MED6: variants seen among roughly 807,000 people sequenced by gnomAD.
MED6 encodes mediator complex subunit 6.
In MED6, 33 loss-of-function variants were observed where a neutral mutation model predicts 37.5. The observed-to-expected ratio is 0.88, with a 90% CI of 0.67 to 1.18. The LOEUF is 1.18. Among genes scored for constraint, MED6 ranks in the 50% most tolerant of loss-of-function variants. The pLI is 0.00. For missense variants in MED6, 235 were observed against 290.6 expected (o/e 0.81, Z 1.39); for synonymous variants, 94 against 93.6 (o/e 1.00, Z -0.02).
At position 70,583,291 on chromosome 14, in the gene MED6, A is replaced by G. The variant is rs1434682166; in HGVS notation, c.*1522T>C. 2 of 152,368 alleles carry G rather than the reference A, an allele frequency of 1.3e-5. No individual in the cohort carries two copies. Among genetic ancestry groups the G allele is most frequent in the East Asian group, 3.9e-4 (2 of 5,194 alleles). The allele number at this position is 152,368 out of a possible 1,614,324, so 9.4% of individuals were successfully genotyped here. A position where few individuals can be genotyped will look rare whatever the true frequency, so the allele number is the denominator to read the frequency against. ...AAGTTGAAAGACAAAAATCTCACAC[A>G]ATACATAAAATTAGACATTTCATAA... On this transcript the variant is annotated 3_prime_UTR_variant, in exon 8 of 8. Transcript: ENST00000256379.
At chr14:70,598,601 C>G (rs946030357) in intron 1 of MED6, among the ~76,000 whole-genome samples, 1 of 151,932 alleles carries the variant, frequency 6.6e-6, no homozygotes, top group Non-Finnish European at 1.5e-5. Flanking sequence ...AAAACTTACA[C>G]AGAGAAAAGG....
chr14:70,591,455 C>T (rs1005501374), intron 5 of MED6, 74 bp from the exon 6 acceptor site: 10 of 1,178,062 alleles, frequency 8.5e-6, no homozygotes, highest in Non-Finnish European at 1.2e-5. Flanking sequence ...AATCTTTATC[C>T]ACCATGAATA....
At chr14:70,589,025 T>C (rs1054925094) in intron 6 of MED6, among the ~76,000 whole-genome samples, 20 of 152,152 alleles carry the variant, frequency 1.3e-4, no homozygotes, top group Admixed American at 9.8e-4. Flanking sequence ...TGTCTTTCAC[T>C]GGAGTACCTC....
In MED6 at chr14:70,594,181, T is replaced by C. The variant is rs550737519; in HGVS notation, c.275-803A>G. Among the ~76,000 whole-genome samples the C allele has an allele frequency of 7.9e-5, 12 of 152,310 alleles. 2 individuals carry two copies. The South Asian group carries it at 2.1e-3, about 26-fold the overall frequency. ...AGAGATGTAGCTAGAATAACACCCA[T>C]CTGGCTCCCCTATCTTGAATCTTCT... is the stretch of plus-strand genomic sequence containing the variant. On this transcript the variant is annotated intron_variant, in intron 3 of 7. Coordinates refer to ENST00000256379, the MANE Select transcript of MED6 (RefSeq NM_005466.4).
In MED6 at chr14:70,584,629, G is replaced by T; in HGVS notation, c.*184C>A. ...GACCTCAAGTGATCCACCCGCCATG[G>T]CCTCCCAAAGTGCTGGGATTACAGG... is the stretch of plus-strand genomic sequence containing the variant. On this transcript the variant is annotated 3_prime_UTR_variant, in exon 8 of 8. Coordinates refer to ENST00000256379, the MANE Select transcript of MED6 (RefSeq NM_005466.4). 1 of 642,872 alleles carries T rather than the reference G, an allele frequency of 1.6e-6. No homozygotes were observed. The allele number at this position is 642,872 out of a possible 1,614,324, so 39.8% of individuals were successfully genotyped here.
At chr14:70,585,952 T>C (rs1422108793) in intron 6 of MED6, among the ~76,000 whole-genome samples, 169 bp from the exon 7 acceptor site, 1 of 152,206 alleles carries the variant, frequency 6.6e-6, no homozygotes, top group East Asian at 1.9e-4. Context: ...TACTATAAAG[T>C]AAATTTATCA....
intron 7 of MED6, 128 bp from the exon 8 acceptor site, chr14:70,585,071 G>T: frequency 9.0e-7 from 1 of 1,108,684 alleles, no homozygotes; most frequent in Non-Finnish European, 1.3e-6. Context: ...AGATCTAGCT[G>T]TTTCCCCAGG....
chr14:70,595,334 G>A (rs753660067), intron 3 of MED6: 23 of 554,742 alleles, frequency 4.1e-5, no homozygotes, highest in Non-Finnish European at 7.6e-5. Flanking sequence ...ACTGAGAGGA[G>A]CTAGACAAGT....
chr14:70,600,644 G>C lies in MED6; in HGVS notation c.-7C>G, dbSNP rs374165391. The C allele has an allele frequency of 1.2e-6, 2 of 1,613,136 alleles. No homozygotes were observed. Among genetic ancestry groups the C allele is most frequent in the East Asian group, 4.5e-5 (2 of 44,866 alleles). On this transcript the variant is annotated 5_prime_UTR_variant, in exon 1 of 8. Transcript: ENST00000256379. The stretch of plus-strand genomic sequence containing the variant: ...GGATATCCACCGCCGCCATAATTCC[G>C]AGAGCGTTTACAGGTTCTCTTTCCG...
chr14:70,597,968 A>C, intron 1 of MED6, 191 bp from the exon 2 acceptor site: 1 of 399,312 alleles, frequency 2.5e-6, no homozygotes, highest in Non-Finnish European at 4.3e-6. Context: ...GTCTTATGAT[A>C]AAGACATGGT....
chr14:70,584,225 C>A lies in MED6; in HGVS notation c.*588G>T. 2 of 738,074 alleles carry A rather than the reference C, an allele frequency of 2.7e-6. No homozygotes were observed. The highest frequency in any genetic ancestry group is 1.4e-5 in the South Asian group (1 of 70,062). 45.7% of individuals were successfully genotyped at this position (738,074 alleles called of 1,614,324 possible). On this transcript the variant is annotated 3_prime_UTR_variant, in exon 8 of 8. Transcript: ENST00000256379. ...TATCAGTTATGATGAAGAAAAAAGTCATGATGAAGCAATATATACAAATAC... is the reference window on the plus strand; with the variant it reads ...TATCAGTTATGATGAAGAAAAAAGTAATGATGAAGCAATATATACAAATAC...
chr14:70,584,332 A>C lies in MED6; in HGVS notation c.*481T>G, dbSNP rs1884637058. On this transcript the variant is annotated 3_prime_UTR_variant, in exon 8 of 8. Coordinates refer to ENST00000256379, the MANE Select transcript of MED6 (RefSeq NM_005466.4). ...AAGTCCGGGAGAGGAAAGGTTACAGAAGACATATAACAAATATTCACAAGA... is the reference window on the plus strand; with the variant it reads ...AAGTCCGGGAGAGGAAAGGTTACAGCAGACATATAACAAATATTCACAAGA... 1 of 517,418 alleles carries C rather than the reference A, an allele frequency of 1.9e-6. No homozygotes were observed. The highest frequency in any genetic ancestry group is 3.4e-6 in the Non-Finnish European group (1 of 292,106). The allele number at this position is 517,418 out of a possible 1,614,324, so 32.1% of individuals were successfully genotyped here.
At chr14:70,598,525 G>A (rs1352977599) in intron 1 of MED6, among the ~76,000 whole-genome samples, 1 of 152,142 alleles carries the variant, frequency 6.6e-6, no homozygotes, top group African/African-American at 2.4e-5. Flanking sequence ...AGGACCTGGG[G>A]AAACGAAAAT....
intron 5 of MED6, chr14:70,592,643 C>T (rs560020300): frequency 7.4e-5 from 25 of 336,266 alleles, no homozygotes; most frequent in African/African-American, 4.0e-4. Flanking sequence ...TATTTTAAAA[C>T]CTTGAATCAC....
rs141991268 is a variant in MED6 at position 70,590,100 on chromosome 14, T to C, written c.582+1166A>G. Among the ~76,000 whole-genome samples the C allele has an allele frequency of 5.1e-4, 78 of 152,370 alleles. No homozygotes were observed. In the East Asian group the frequency reaches 0.014, roughly 27 times the overall value. ...ATACAAGTCTGAAATCCAGTATGTA[T>C]ACTGCACTTACATCACAACTCAATC... On this transcript the variant is annotated intron_variant, in intron 6 of 7. Transcript: ENST00000256379.
chr14:70,585,561 T>TC (rs1884680574), intron 7 of MED6, among the ~76,000 whole-genome samples, 195 bp downstream of exon 7: 1 of 151,456 alleles, frequency 6.6e-6, no homozygotes, highest in African/African-American at 2.4e-5. Flanking sequence ...GAGACTTTTT[T>TC]TTTTTTTTCA....
At chr14:70,597,567 C>A (rs764913115) in intron 2 of MED6, 51 bp downstream of exon 2, 1 of 1,385,890 alleles carries the variant, frequency 7.2e-7, no homozygotes, top group Non-Finnish European at 9.5e-7. Context: ...AAGAACTGTT[C>A]ATTGCAAAAC....
intron 5 of MED6, 148 bp downstream of exon 5, chr14:70,592,732 T>A: frequency 1.3e-6 from 1 of 747,414 alleles, no homozygotes; most frequent in Middle Eastern, 2.6e-4. Flanking sequence ...CCACATCTAG[T>A]TACATGAATC....
intron 6 of MED6, among the ~76,000 whole-genome samples, chr14:70,590,347 T>C (rs1208444352): frequency 1.3e-5 from 2 of 152,230 alleles, no homozygotes; most frequent in Non-Finnish European, 2.9e-5. Flanking sequence ...CTATGTTCCA[T>C]CTTCAAGTGC....
Sources: allele counts gnomAD v4.1 joint callset (sites outside exome capture counted in the v4.1 genomes callset), GRCh38; gene constraint gnomAD v4.1.1; transcripts MANE v1.5; gene names NCBI Gene and HGNC (gene_info 2026-07-23, HGNC 2026-07-21).